LRP1B: variants seen among roughly 807,000 people sequenced by gnomAD.
LRP1B encodes low-density lipoprotein receptor-related protein 1B.
A neutral mutation model predicts 556.6 loss-of-function variants in LRP1B; 217 were observed. That is an observed-to-expected ratio of 0.39 (90% confidence interval 0.35 to 0.44). The LOEUF (loss-of-function observed/expected upper bound fraction) is 0.44, where lower values mean the gene tolerates loss of function less well. Ranked by LOEUF, LRP1B falls within the 20% of genes least tolerant of loss-of-function variation. The probability of loss-of-function intolerance (pLI) is 1.00; values close to 1 mark genes in which losing one functional copy is unlikely to be tolerated. For missense variants in LRP1B, 5,053 were observed against 5,620.8 expected (o/e 0.90, Z 3.23); for synonymous variants, 2,047 against 1,865.8 (o/e 1.10, Z -2.50).
intron 18 of LRP1B, among the ~76,000 whole-genome samples, chr2:140,961,133 A>G (rs1319039915): frequency 6.6e-6 from 1 of 152,052 alleles, no homozygotes; most frequent in Non-Finnish European, 1.5e-5. Flanking sequence ...AAGTAAATAC[A>G]TTTCAGGAAA....
intron 7 of LRP1B, among the ~76,000 whole-genome samples, chr2:141,115,658 T>TG (rs55954407): frequency 0.22 from 11,409 of 52,230 alleles, 486 homozygotes; most frequent in Non-Finnish European, 0.3. Flanking sequence ...TGTGTGTGTG[T>TG]TTTTTAGTAG....
chr2:140,494,007 A>G (rs1293318552), intron 56 of LRP1B, among the ~76,000 whole-genome samples: 4 of 152,308 alleles, frequency 2.6e-5, no homozygotes, highest in Non-Finnish European at 4.4e-5. Flanking sequence ...ATATAAAATT[A>G]ATCAGTCATG....
intron 66 of LRP1B, among the ~76,000 whole-genome samples, chr2:140,434,128 GGTGC>G (rs2105288248): frequency 6.6e-6 from 1 of 151,816 alleles, no homozygotes; most frequent in East Asian, 1.9e-4. Context: ...GGAGTGTAGT[GGTGC>G]GATCTCTGCT....
chr2:141,500,460 G>A (rs944722247), intron 2 of LRP1B, among the ~76,000 whole-genome samples: 57 of 152,028 alleles, frequency 3.7e-4, no homozygotes, highest in African/African-American at 1.2e-3. Flanking sequence ...CGCAGAACAG[G>A]TTTTTCTTAC....
In LRP1B at chr2:140,339,711, T is replaced by G. The variant is rs143244038; in HGVS notation, c.11893-3873A>C. Among the ~76,000 whole-genome samples, 43 of 151,830 alleles carry G rather than the reference T, an allele frequency of 2.8e-4. No individual in the cohort carries two copies. In the East Asian group the frequency reaches 5.8e-3, roughly 21 times the overall value. Reference sequence around the variant, plus strand: ...TACACAAATTCTAAATATTACTAAATTCTATTGACTTAGTAATGTTATTAA... The same window carrying G: ...TACACAAATTCTAAATATTACTAAAGTCTATTGACTTAGTAATGTTATTAA... On this transcript the variant is annotated intron_variant, in intron 77 of 90. Transcript: ENST00000389484.
chr2:141,938,604 A>ATGTACCTTTTCTGGGT (rs1327606861), intron 1 of LRP1B, among the ~76,000 whole-genome samples: 1 of 152,118 alleles, frequency 6.6e-6, no homozygotes, highest in Non-Finnish European at 1.5e-5. Flanking sequence ...ATGCAAAGGA[A>ATGTACCTTTTCTGGGT]ATAAAATCAG....
At chr2:141,492,006 G>A (rs1206569822) in intron 2 of LRP1B, among the ~76,000 whole-genome samples, 1 of 137,802 alleles carries the variant, frequency 7.3e-6, no homozygotes, top group African/African-American at 2.7e-5. Flanking sequence ...TGATGGCCAA[G>A]TGATAATCGT....
chr2:140,243,980 T>C (rs1681056015), intron 87 of LRP1B, among the ~76,000 whole-genome samples: 1 of 151,274 alleles, frequency 6.6e-6, no homozygotes, highest in Non-Finnish European at 1.5e-5. Context: ...AAACTCACAA[T>C]TACTTTATAC....
chr2:140,544,884 T>A (rs1172900737), intron 43 of LRP1B, among the ~76,000 whole-genome samples: 1 of 152,162 alleles, frequency 6.6e-6, no homozygotes, highest in Non-Finnish European at 1.5e-5. Flanking sequence ...TTTAGGCCTT[T>A]GAGAAATCAT....
intron 3 of LRP1B, among the ~76,000 whole-genome samples, chr2:141,429,970 A>G (rs1418910052): frequency 6.6e-6 from 1 of 152,218 alleles, no homozygotes; most frequent in African/African-American, 2.4e-5. Context: ...CAACCACTCT[A>G]ACAGTCTGTC....
At chr2:142,102,080 A>G (rs1020320907) in intron 1 of LRP1B, among the ~76,000 whole-genome samples, 4 of 151,998 alleles carry the variant, frequency 2.6e-5, no homozygotes, top group African/African-American at 9.7e-5. Flanking sequence ...ATGATAGTAT[A>G]GTGAGAAAAC....
chr2:140,975,451 C>T (rs1441859927), intron 18 of LRP1B, among the ~76,000 whole-genome samples: 1 of 123,308 alleles, frequency 8.1e-6, no homozygotes, highest in Non-Finnish European at 1.8e-5. Flanking sequence ...TACTCATTTC[C>T]TCCATGTCTC....
At chr2:140,908,144 T>C in intron 21 of LRP1B, 67 bp from the exon 22 acceptor site, 1 of 1,250,868 alleles carries the variant, frequency 8.0e-7, no homozygotes, top group Non-Finnish European at 1.2e-6. Context: ...TGAGTGGCCA[T>C]TATTGTCTTC....
chr2:140,977,107 C>T (rs1696623957), intron 18 of LRP1B, among the ~76,000 whole-genome samples: 1 of 152,126 alleles, frequency 6.6e-6, no homozygotes, highest in Non-Finnish European at 1.5e-5. Context: ...GGTGATATGG[C>T]TTGGCTCGTC....
intron 11 of LRP1B, among the ~76,000 whole-genome samples, chr2:141,047,017 G>A (rs937282942): frequency 2.3e-5 from 1 of 43,428 alleles, no homozygotes; most frequent in East Asian, 3.4e-4. Context: ...CGGAGGCGGA[G>A]GTTGCAGTGA....
At chr2:142,025,491 G>A (rs1187454905) in intron 1 of LRP1B, among the ~76,000 whole-genome samples, 2 of 152,138 alleles carry the variant, frequency 1.3e-5, no homozygotes, top group Admixed American at 6.6e-5. Flanking sequence ...CCAGAGTCCA[G>A]AACCTGAGCT....
chr2:141,440,230 G>T (rs1247653661), intron 3 of LRP1B, among the ~76,000 whole-genome samples: 1 of 152,150 alleles, frequency 6.6e-6, no homozygotes, highest in Non-Finnish European at 1.5e-5. Context: ...CGCCCAGCCC[G>T]GCCCTCCTGC....
chr2:141,822,124 C>CAGAGAGAGAGAGAGAGAGAG (rs1390471936), intron 1 of LRP1B, among the ~76,000 whole-genome samples: 7 of 111,882 alleles, frequency 6.3e-5, no homozygotes, highest in Middle Eastern at 5.2e-3. Flanking sequence ...CACACACACA[C>CAGAGAGAGAGAGAGAGAGAG]ACACACAGAG....
intron 5 of LRP1B, among the ~76,000 whole-genome samples, chr2:141,233,890 T>C (rs1253001402): frequency 6.6e-6 from 1 of 152,014 alleles, no homozygotes; most frequent in African/African-American, 2.4e-5. Flanking sequence ...ATGTATATCA[T>C]CTAGTTGTTC....
Sources: gnomAD v4.1 joint callset for allele counts (sites outside exome capture counted in the v4.1 genomes callset) on GRCh38, gnomAD v4.1.1 for gene constraint, MANE v1.5 for transcripts, NCBI Gene and HGNC (gene_info 2026-07-23, HGNC 2026-07-21) for gene names.